PDZRN4: variants seen among roughly 807,000 people sequenced by gnomAD.
The protein encoded by PDZRN4 is PDZ domain-containing RING finger protein 4.
A neutral mutation model predicts 99.0 loss-of-function variants in PDZRN4; 70 were observed. That is an observed-to-expected ratio of 0.71 (90% CI 0.58 to 0.86). The LOEUF is 0.86. Ranked by LOEUF, PDZRN4 falls within the 40% of genes least tolerant of loss-of-function variation. The probability of loss-of-function intolerance (pLI) is 0.00; values close to 1 mark genes in which losing one functional copy is unlikely to be tolerated. For synonymous variants in PDZRN4, 551 were observed against 501.6 expected (o/e 1.10, Z -1.32); for missense variants, 1,474 against 1,331.2 (o/e 1.11, Z -1.67).
intron 3 of PDZRN4, among the ~76,000 whole-genome samples, chr12:41,293,501 A>G (rs886471944): frequency 2.6e-5 from 4 of 151,906 alleles, no homozygotes; most frequent in Non-Finnish European, 5.9e-5. Context: ...CTCTGCCAGT[A>G]TTAAGAATGA....
At chr12:41,311,424 C>A (rs944444383) in intron 3 of PDZRN4, among the ~76,000 whole-genome samples, 3 of 152,032 alleles carry the variant, frequency 2.0e-5, no homozygotes, top group Admixed American at 1.3e-4. Flanking sequence ...TGTAGAAATA[C>A]CCGTTTCACA....
intron 3 of PDZRN4, among the ~76,000 whole-genome samples, chr12:41,455,135 A>G (rs1480714019): frequency 1.3e-5 from 2 of 152,232 alleles, no homozygotes; most frequent in Non-Finnish European, 2.9e-5. Context: ...CTATCCTAAC[A>G]TTTAAAAATT....
At chr12:41,395,707 T>C (rs1161596570) in intron 3 of PDZRN4, among the ~76,000 whole-genome samples, 1 of 152,194 alleles carries the variant, frequency 6.6e-6, no homozygotes, top group Non-Finnish European at 1.5e-5. Context: ...TACCTATCTT[T>C]ACCTTAGGCT....
intron 3 of PDZRN4, among the ~76,000 whole-genome samples, chr12:41,387,099 T>C (rs765359689): frequency 6.6e-6 from 1 of 151,950 alleles, no homozygotes; most frequent in Admixed American, 6.6e-5. Context: ...ACAATGGCAA[T>C]AAAATCAAAA....
At chr12:41,388,873 T>C (rs1009818261) in intron 3 of PDZRN4, among the ~76,000 whole-genome samples, 1 of 152,190 alleles carries the variant, frequency 6.6e-6, no homozygotes, top group Non-Finnish European at 1.5e-5. Context: ...TTTAAAGCTA[T>C]CATGAGTTTT....
chr12:41,562,799 G>A lies in PDZRN4; in HGVS notation c.1366-749G>A, dbSNP rs143197488. 6.9e-4 allele frequency among the ~76,000 whole-genome samples: 105 copies of A among 152,086 alleles called. 3 individuals carry two copies. The East Asian group carries it at 0.017, about 25-fold the overall frequency. On this transcript the variant is annotated intron_variant, in intron 7 of 9. Coordinates refer to ENST00000402685, the MANE Select transcript of PDZRN4 (RefSeq NM_001164595.2). Reference sequence around the variant, plus strand: ...TGGAATCTTTTCCATGAAATCTAAAGTTTAGTCAAGCTTGGTTTCTTTCAC... The same window carrying A: ...TGGAATCTTTTCCATGAAATCTAAAATTTAGTCAAGCTTGGTTTCTTTCAC...
intron 3 of PDZRN4, among the ~76,000 whole-genome samples, chr12:41,442,236 G>A (rs913218952): frequency 1.4e-4 from 21 of 151,974 alleles, no homozygotes; most frequent in Non-Finnish European, 2.6e-4. Flanking sequence ...TTGGACCCTT[G>A]TAACTTACTT....
chr12:41,458,108 G>A (rs1952832210), intron 3 of PDZRN4, among the ~76,000 whole-genome samples: 1 of 152,186 alleles, frequency 6.6e-6, no homozygotes, highest in African/African-American at 2.4e-5. Flanking sequence ...AAAGCAGAGA[G>A]TCTGAACCTG....
intron 3 of PDZRN4, among the ~76,000 whole-genome samples, chr12:41,375,237 C>T (rs527662562): frequency 6.6e-6 from 1 of 152,274 alleles, no homozygotes; most frequent in African/African-American, 2.4e-5. Context: ...CTCTCAGAAA[C>T]TATACAAGAT....
In PDZRN4 at chr12:41,572,345, T is replaced by G. The variant is rs1432707503; in HGVS notation, c.1585-19T>G. Reference sequence around the variant, plus strand: ...CAAAATCATTAATTTTCTTTGTTCTTTCAACATCATTTTCTTAGCCAAAAA... The same window carrying G: ...CAAAATCATTAATTTTCTTTGTTCTGTCAACATCATTTTCTTAGCCAAAAA... On this transcript the variant is annotated intron_variant, in intron 9 of 9. Transcript: ENST00000402685. The G allele has an allele frequency of 6.3e-7, 1 of 1,575,330 alleles. No homozygotes were observed. Among genetic ancestry groups the G allele is most frequent in the Non-Finnish European group, 8.6e-7 (1 of 1,157,224 alleles).
intron 3 of PDZRN4, among the ~76,000 whole-genome samples, chr12:41,272,056 AGT>A (rs202228130): frequency 3.3e-4 from 22 of 67,194 alleles, no homozygotes; most frequent in Non-Finnish European, 6.1e-4. Flanking sequence ...TACCAAATAG[AGT>A]ATTTTTTTTT....
chr12:41,192,723 A>G (rs1566348305), intron 2 of PDZRN4, among the ~76,000 whole-genome samples: 2 of 152,218 alleles, frequency 1.3e-5, no homozygotes, highest in Non-Finnish European at 2.9e-5. Context: ...AGGAAGTACC[A>G]TGTTAAAGAA....
chr12:41,212,892 T>C (rs1396229707), intron 3 of PDZRN4, among the ~76,000 whole-genome samples: 3 of 152,102 alleles, frequency 2.0e-5, no homozygotes, highest in African/African-American at 7.2e-5. Context: ...AGCTCTGTGA[T>C]AGGAAAAGGC....
At chr12:41,550,480 C>T (rs1939033937) in intron 5 of PDZRN4, among the ~76,000 whole-genome samples, 1 of 152,102 alleles carries the variant, frequency 6.6e-6, no homozygotes, top group Non-Finnish European at 1.5e-5. Flanking sequence ...TATTCTTTCC[C>T]TCTGGAGGCA....
chr12:41,210,499 CTG>C (rs1424449569), intron 3 of PDZRN4, among the ~76,000 whole-genome samples: 2 of 151,918 alleles, frequency 1.3e-5, no homozygotes, highest in African/African-American at 4.8e-5. Flanking sequence ...AATTTTACAA[CTG>C]TTTTAAAAAT....
At chr12:41,490,915 T>A (rs79413265) in intron 3 of PDZRN4, among the ~76,000 whole-genome samples, 147 of 152,262 alleles carry the variant, frequency 9.7e-4, no homozygotes, top group Non-Finnish European at 1.6e-3. Context: ...TAACTCAGAT[T>A]CATATCTGAG....
At chr12:41,271,194 CTAATT>C (rs1455165654) in intron 3 of PDZRN4, among the ~76,000 whole-genome samples, 3 of 151,260 alleles carry the variant, frequency 2.0e-5, no homozygotes, top group Non-Finnish European at 4.4e-5. Flanking sequence ...TTTAAAAAAA[CTAATT>C]TAATAAATCC....
chr12:41,387,241 A>C (rs901479121), intron 3 of PDZRN4, among the ~76,000 whole-genome samples: 3 of 152,190 alleles, frequency 2.0e-5, no homozygotes, highest in Non-Finnish European at 4.4e-5. Flanking sequence ...ACTGTCCAGC[A>C]TCTATAAGGA....
At chr12:41,532,967 A>G (rs201235126) in intron 5 of PDZRN4, among the ~76,000 whole-genome samples, 1 of 152,156 alleles carries the variant, frequency 6.6e-6, no homozygotes, top group East Asian at 1.9e-4. Flanking sequence ...CTATAACTAT[A>G]CATTAGATCA....
Sources: allele counts gnomAD v4.1 joint callset (sites outside exome capture counted in the v4.1 genomes callset), GRCh38; gene constraint gnomAD v4.1.1; transcripts MANE v1.5; gene names NCBI Gene and HGNC (gene_info 2026-07-23, HGNC 2026-07-21).